The following IRAG2 variants were observed in gnomAD, a reference collection of about 807,000 sequenced individuals.
IRAG2 encodes the protein inositol 1,4,5-triphosphate receptor associated 2, also known as lymphoid restricted membrane protein.
IRAG2 carries 45 observed loss-of-function variants against 69.9 expected under a neutral mutation model. The observed-to-expected ratio is 0.64, with a 90% CI of 0.51 to 0.83. IRAG2 has a LOEUF of 0.83. IRAG2 is among the 40% of genes least tolerant of loss of function. The probability of loss-of-function intolerance (pLI) is 0.00; values close to 1 mark genes in which losing one functional copy is unlikely to be tolerated. For missense variants in IRAG2, 520 were observed against 587.0 expected, an observed-to-expected ratio of 0.89 and a Z score of 1.18; for synonymous variants, 193 against 202.4, an observed-to-expected ratio of 0.95 and a Z score of 0.40.
At chr12:25,064,240 C>A (rs1409952755) in intron 4 of IRAG2, among the ~76,000 whole-genome samples, 1 of 152,030 alleles carries the variant, frequency 6.6e-6, no homozygotes, top group Non-Finnish European at 1.5e-5. Flanking sequence ...GTTGAACTGG[C>A]CTTGAAAGAT....
chr12:25,068,420 A>G (rs565693073), intron 5 of IRAG2, among the ~76,000 whole-genome samples: 2 of 152,310 alleles, frequency 1.3e-5, no homozygotes, highest in Admixed American at 6.5e-5. Context: ...AGTTCACCAA[A>G]TCAGAAGCTT....
chr12:25,102,394 TC>T, intron 17 of IRAG2, 153 bp downstream of exon 17: 1 of 623,912 alleles, frequency 1.6e-6, no homozygotes, highest in Non-Finnish European at 2.8e-6. Context: ...TTTTATACTC[TC>T]TGCTATATTT....
At chr12:25,084,256 G>A (rs1947420727) in intron 10 of IRAG2, among the ~76,000 whole-genome samples, 1 of 152,084 alleles carries the variant, frequency 6.6e-6, no homozygotes, top group Non-Finnish European at 1.5e-5. Context: ...CGGGTATGGT[G>A]GTGCTTGACT....
chr12:25,082,765 T>C (rs528046559), intron 9 of IRAG2, among the ~76,000 whole-genome samples: 1 of 152,340 alleles, frequency 6.6e-6, no homozygotes, highest in African/African-American at 2.4e-5. Flanking sequence ...AATATTTTTC[T>C]CTTAAAAAGG....
intron 16 of IRAG2, among the ~76,000 whole-genome samples, chr12:25,045,800 A>G (rs1370035630): frequency 1.3e-5 from 2 of 151,196 alleles, no homozygotes; most frequent in Admixed American, 1.3e-4. Context: ...CCAAACATTT[A>G]AAGAAGATTA....
At chr12:25,095,206 T>A (rs1948342804) in intron 14 of IRAG2, among the ~76,000 whole-genome samples, 3 of 152,216 alleles carry the variant, frequency 2.0e-5, no homozygotes, top group African/African-American at 7.2e-5. Context: ...CGTAGTAGGG[T>A]TTTCATATAT....
At chr12:25,104,772 G>GC (rs1399635188) in intron 20 of IRAG2, among the ~76,000 whole-genome samples, 1 of 152,072 alleles carries the variant, frequency 6.6e-6, no homozygotes, top group Admixed American at 6.6e-5. Context: ...TCAATAAAGA[G>GC]CCACAGAAGT....
upstream of IRAG2, among the ~76,000 whole-genome samples, chr12:25,047,610 C>A (rs1316512148): frequency 6.6e-6 from 1 of 152,026 alleles, no homozygotes; most frequent in Admixed American, 6.6e-5. Flanking sequence ...TGATGCTCTC[C>A]CTCCTCACCT....
chr12:25,068,974 C>T (rs1357629737), intron 5 of IRAG2, among the ~76,000 whole-genome samples: 6 of 152,208 alleles, frequency 3.9e-5, no homozygotes, highest in Admixed American at 3.3e-4. Context: ...CATCCTCCTT[C>T]GGTGCTCATT....
upstream of IRAG2, among the ~76,000 whole-genome samples, chr12:25,049,875 C>T (rs190948575): frequency 4.6e-3 from 670 of 145,346 alleles, 3 homozygotes; most frequent in Non-Finnish European, 4.8e-3. Flanking sequence ...CCTAGCTACC[C>T]GGGAGGCTGA....
intron 21 of IRAG2, among the ~76,000 whole-genome samples, chr12:25,107,579 T>C (rs1949277633): frequency 6.7e-6 from 1 of 150,202 alleles, no homozygotes; most frequent in Non-Finnish European, 1.5e-5. Context: ...TAGAAGATAC[T>C]GCCTACATCA....
exon 11 of IRAG2, chr12:25,032,163 C>T (rs1944673198): frequency 2.5e-6 from 1 of 398,868 alleles, no homozygotes; most frequent in African/African-American, 2.1e-5. Flanking sequence ...TATAGAAGAA[C>T]TTAAATCAAC....
chr12:25,077,352 G>GAT (rs1555139219), intron 6 of IRAG2, among the ~76,000 whole-genome samples: 425 of 23,942 alleles, frequency 0.018, 49 homozygotes, highest in African/African-American at 0.048. Context: ...ATATATATAT[G>GAT]ATATATATGA....
chr12:25,062,402 T>G (rs1945691584), intron 2 of IRAG2, among the ~76,000 whole-genome samples: 1 of 152,232 alleles, frequency 6.6e-6, no homozygotes, highest in South Asian at 2.1e-4. Flanking sequence ...GATGCTTTAA[T>G]CATCTCAAGA....
At chr12:25,087,202 C>A (rs575847822) in intron 10 of IRAG2, among the ~76,000 whole-genome samples, 2 of 120,772 alleles carry the variant, frequency 1.7e-5, no homozygotes, top group African/African-American at 3.2e-5. Flanking sequence ...GAGCCTTGCA[C>A]TGCTGCCTAG....
At chr12:25,087,719 G>A (rs185883072) in intron 10 of IRAG2, among the ~76,000 whole-genome samples, 281 of 152,148 alleles carry the variant, frequency 1.8e-3, no homozygotes, top group African/African-American at 6.0e-3. Context: ...TAGGAATTGC[G>A]CCGCACAGCA....
At chr12:25,090,255 C>G in intron 14 of IRAG2, 58 bp downstream of exon 14, 1 of 1,510,232 alleles carries the variant, frequency 6.6e-7, no homozygotes, top group South Asian at 1.2e-5. Context: ...CAGTGGCTCA[C>G]ACCTATAATC....
At chr12:25,059,644 G>A (rs766495619) in intron 1 of IRAG2, among the ~76,000 whole-genome samples, 10 of 152,194 alleles carry the variant, frequency 6.6e-5, no homozygotes, top group South Asian at 6.2e-4. Context: ...ATGAGCCACC[G>A]CACCCAGCCT....
rs2140294120 is a variant in IRAG2, at chr12:25,107,745, T to C, written c.1257-72T>C. 3 of 1,424,760 alleles carry C rather than the reference T, an allele frequency of 2.1e-6. No homozygotes were observed. In the South Asian group the frequency reaches 3.7e-5, roughly 17 times the overall value. The allele number at this position is 1,424,760 out of a possible 1,614,324, so 88.3% of individuals were successfully genotyped here. A position where few individuals can be genotyped will look rare whatever the true frequency, so the allele number is the denominator to read the frequency against. On this transcript the variant is annotated intron_variant, in intron 21 of 21. Coordinates refer to ENST00000556887, the MANE Select transcript of IRAG2 (RefSeq NM_001366544.2). Reference sequence around the variant, plus strand: ...TATGAAGGGCAGATCACCTGACTGGTGGTGTTAGCAAAAGGAATGTTTCTA... The same window carrying C: ...TATGAAGGGCAGATCACCTGACTGGCGGTGTTAGCAAAAGGAATGTTTCTA...
Sources: gnomAD v4.1 joint callset for allele counts (sites outside exome capture counted in the v4.1 genomes callset) on GRCh38, gnomAD v4.1.1 for gene constraint, MANE v1.5 for transcripts, NCBI Gene and HGNC (gene_info 2026-07-23, HGNC 2026-07-21) for gene names.